The following PRKCH variants were observed in gnomAD, a reference collection of about 807,000 sequenced individuals.
PRKCH encodes protein kinase C eta type.
A neutral mutation model predicts 82.5 loss-of-function variants in PRKCH; 28 were observed. That is an observed-to-expected ratio of 0.34 (90% CI 0.25 to 0.47). The LOEUF (loss-of-function observed/expected upper bound fraction) is 0.47. PRKCH is among the 20% of genes least tolerant of loss of function. The pLI is 1.00. For synonymous variants in PRKCH, 322 were observed against 327.4 expected (o/e 0.98, Z 0.18); for missense variants, 705 against 881.8 (o/e 0.80, Z 2.54).
chr14:61,281,318 G>GT (rs2045264045), intron 1 of PRKCH: 1 of 382,776 alleles, frequency 2.6e-6, no homozygotes, highest in Admixed American at 4.7e-5. Context: ...GGTGAGTTTA[G>GT]TTCCAGGCCC....
intron 1 of PRKCH, among the ~76,000 whole-genome samples, chr14:61,309,181 G>T (rs535845407): frequency 6.6e-6 from 1 of 152,250 alleles, no homozygotes; most frequent in Non-Finnish European, 1.5e-5. Flanking sequence ...TATTCAGGAA[G>T]TGAGGTGGGA....
chr14:61,477,696 G>A (rs1885787945), intron 9 of PRKCH, among the ~76,000 whole-genome samples: 1 of 152,124 alleles, frequency 6.6e-6, no homozygotes, highest in Non-Finnish European at 1.5e-5. Context: ...AGTATGTTTT[G>A]GTTATCAAAT....
At chr14:61,455,528 A>G (rs1457932521) in intron 7 of PRKCH, among the ~76,000 whole-genome samples, 1 of 152,200 alleles carries the variant, frequency 6.6e-6, no homozygotes, top group East Asian at 1.9e-4. Flanking sequence ...TCTTGTGGGT[A>G]GGCGGGCAGG....
chr14:61,210,811 T>TGC lies in PRKCH; in HGVS notation c.-19+23144_-19+23145insCG, dbSNP rs1270114965. On this transcript the variant is annotated intron_variant, in intron 1 of 3. Coordinates refer to the PRKCH transcript ENST00000555185. Reference sequence around the variant, plus strand: ...CTCTCTGTGTGTGTGTGTGTGTGTGTGTGCGTGCACGCGTGCATTCCATAT... The same window carrying TGC: ...CTCTCTGTGTGTGTGTGTGTGTGTGTGCGTGCGTGCACGCGTGCATTCCATAT... 2.6e-3 allele frequency among the ~76,000 whole-genome samples: 395 copies of TGC among 151,348 alleles called. 3 individuals are homozygous for TGC. Among genetic ancestry groups the TGC allele is most frequent in the African/African-American group, 3.0e-3 (122 of 41,184 alleles).
chr14:61,463,255 C>G (rs1435300951), intron 9 of PRKCH: 3 of 152,184 alleles, frequency 2.0e-5, no homozygotes, highest in Non-Finnish European at 4.4e-5. Context: ...GTCAGTTCAA[C>G]TGTGGTGATG....
At chr14:61,534,484 T>A (rs2043082388) in intron 12 of PRKCH, among the ~76,000 whole-genome samples, 1 of 152,228 alleles carries the variant, frequency 6.6e-6, no homozygotes, top group African/African-American at 2.4e-5. Context: ...TTCTGGGAGC[T>A]TGGTGACTTC....
chr14:61,265,580 C>T (rs1318066635), intron 1 of PRKCH, among the ~76,000 whole-genome samples: 1 of 152,234 alleles, frequency 6.6e-6, no homozygotes, highest in Non-Finnish European at 1.5e-5. Flanking sequence ...AATGGACCAT[C>T]ACCCAGGATC....
chr14:61,477,810 A>G (rs11848616), intron 9 of PRKCH, among the ~76,000 whole-genome samples: 93,934 of 152,146 alleles, frequency 0.62, 30,891 homozygotes, highest in Middle Eastern at 0.73. Flanking sequence ...CTGTGTCCCA[A>G]CAGCTGGGCT....
chr14:61,400,106 T>G (rs1404074215), intron 2 of PRKCH, among the ~76,000 whole-genome samples: 1 of 152,196 alleles, frequency 6.6e-6, no homozygotes, highest in Non-Finnish European at 1.5e-5. Flanking sequence ...TGCCTCAGTT[T>G]TTAGCTCACA....
At chr14:61,333,376 G>A (rs10137734) in intron 1 of PRKCH, among the ~76,000 whole-genome samples, 41,747 of 152,040 alleles carry the variant, frequency 0.27, 6,491 homozygotes, top group African/African-American at 0.43. Context: ...AGGACCTCAG[G>A]TTGAGAAACC....
intron 1 of PRKCH, among the ~76,000 whole-genome samples, chr14:61,233,720 T>C (rs2044763517): frequency 6.6e-6 from 1 of 152,184 alleles, no homozygotes; most frequent in Non-Finnish European, 1.5e-5. Context: ...TAAGGGGCTT[T>C]TCCCCTTGAG....
At chr14:61,468,337 CT>C (rs779049434) in intron 9 of PRKCH, among the ~76,000 whole-genome samples, 9 of 152,100 alleles carry the variant, frequency 5.9e-5, no homozygotes, top group Admixed American at 4.6e-4. Context: ...AGTGTTCCAT[CT>C]TTTTTTTAGG....
At chr14:61,219,923 A>G (rs753669834) in intron 1 of PRKCH, among the ~76,000 whole-genome samples, 1 of 152,232 alleles carries the variant, frequency 6.6e-6, no homozygotes, top group Non-Finnish European at 1.5e-5. Flanking sequence ...CAATGCTCAG[A>G]TGAATTTAGT....
chr14:61,514,314 T>TAAAAAAAAAAAAAAAA, intron 10 of PRKCH, among the ~76,000 whole-genome samples: 1 of 132,132 alleles, frequency 7.6e-6, no homozygotes. Flanking sequence ...TCTTCTCCTT[T>TAAAAAAAAAAAAAAAA]AAAAAAAAAA....
chr14:61,344,351 G>C (rs994926472), intron 1 of PRKCH: 2 of 152,228 alleles, frequency 1.3e-5, no homozygotes, highest in Admixed American at 6.5e-5. Flanking sequence ...TGGTACGAAC[G>C]GAGGCAGGCT....
At chr14:61,194,995 A>C (rs752408822) in intron 1 of PRKCH, among the ~76,000 whole-genome samples, 22 of 152,196 alleles carry the variant, frequency 1.4e-4, no homozygotes, top group Non-Finnish European at 2.9e-4. Flanking sequence ...TTGCCTCTCA[A>C]AGTGCTGAGA....
At chr14:61,512,448 G>T (rs1357313162) in intron 10 of PRKCH, among the ~76,000 whole-genome samples, 1 of 151,970 alleles carries the variant, frequency 6.6e-6, no homozygotes, top group African/African-American at 2.4e-5. Flanking sequence ...AAAAATTTTT[G>T]ACTTACTGAC....
intron 1 of PRKCH, among the ~76,000 whole-genome samples, chr14:61,388,110 T>TG (rs1228142381): frequency 1.4e-5 from 2 of 138,296 alleles, no homozygotes; most frequent in Non-Finnish European, 3.0e-5. Context: ...ATGGTGCTAC[T>TG]GCACACCAGC....
At chr14:61,423,027 TG>T (rs1279560771) in intron 2 of PRKCH, among the ~76,000 whole-genome samples, 3 of 152,222 alleles carry the variant, frequency 2.0e-5, no homozygotes, top group Non-Finnish European at 4.4e-5. Flanking sequence ...ATTGAATGAA[TG>T]AATGAAGTTG....
Sources: allele counts gnomAD v4.1 joint callset (sites outside exome capture counted in the v4.1 genomes callset), GRCh38; gene constraint gnomAD v4.1.1; transcripts MANE v1.5; gene names NCBI Gene and HGNC (gene_info 2026-07-23, HGNC 2026-07-21).